The following PXDN variants were observed in gnomAD, a reference collection of about 807,000 sequenced individuals.
PXDN encodes peroxidasin homolog.
In PXDN, 77 loss-of-function variants were observed where a neutral mutation model predicts 140.3. The ratio of observed to expected loss-of-function variants is 0.55; its 90% CI spans 0.46 to 0.66. PXDN has a LOEUF of 0.66. Ranked by LOEUF, PXDN falls within the 30% of genes least tolerant of loss-of-function variation. The pLI, the probability that PXDN is intolerant of heterozygous loss-of-function variation, is 0.00. For synonymous variants in PXDN, 911 were observed against 857.4 expected, an observed-to-expected ratio of 1.06 and a Z score of -1.09; for missense variants, 1,838 against 2,039.5, an observed-to-expected ratio of 0.90 and a Z score of 1.90.
chr2:1,711,186 C>A (rs1420572829), intron 1 of PXDN, among the ~76,000 whole-genome samples: 1 of 96,612 alleles, frequency 1.0e-5, no homozygotes, highest in African/African-American at 4.3e-5. Flanking sequence ...CCACCAGCAC[C>A]CGCTCCACCA....
intron 19 of PXDN, among the ~76,000 whole-genome samples, 178 bp downstream of exon 19, chr2:1,643,190 A>T (rs1414317658): frequency 6.6e-6 from 1 of 152,206 alleles, no homozygotes; most frequent in African/African-American, 2.4e-5. Context: ...AACTTTGTTC[A>T]TATTTTTGGC....
chr2:1,677,212 C>T (rs1379007766), intron 7 of PXDN, among the ~76,000 whole-genome samples, 168 bp from the exon 8 acceptor site: 3 of 152,138 alleles, frequency 2.0e-5, no homozygotes, highest in Non-Finnish European at 4.4e-5. Context: ...TCTCTACAGC[C>T]CCGTCTATGG....
chr2:1,649,778 C>T lies in PXDN; in HGVS notation c.2105-103G>A, dbSNP rs970776853. The T allele has an allele frequency of 1.0e-4, 135 of 1,327,048 alleles. No individual in the cohort carries two copies. The highest frequency in any genetic ancestry group is 1.4e-4 in the Non-Finnish European group (127 of 938,142). 82.2% of individuals were successfully genotyped at this position (1,327,048 alleles called of 1,614,324 possible). A position where few individuals can be genotyped will look rare whatever the true frequency, so the allele number is the denominator to read the frequency against. ...GCCGCTGACATGGGGCTATCTACCC[C>T]CAGCTCATGAAACCTGTTGTGCGCC... On this transcript the variant is annotated intron_variant, in intron 16 of 22. Coordinates refer to ENST00000252804, the MANE Select transcript of PXDN (RefSeq NM_012293.3). The surrounding 1 kb of genome is among the most constrained non-coding windows in gnomAD (Gnocchi z 7.1).
At chr2:1,683,067 A>G (rs903421246) in intron 6 of PXDN, among the ~76,000 whole-genome samples, 2 of 151,976 alleles carry the variant, frequency 1.3e-5, no homozygotes, top group Admixed American at 1.3e-4. Flanking sequence ...AATTAATTTG[A>G]TGAATTTAAA....
Position 1,653,711 on chromosome 2 carries a change from C to G in PXDN, c.2021G>C (p.Arg674Pro), listed in dbSNP as rs746336803. ...PRDPYTVEQA[R>P]AGEIFERTLQ... is the part of the protein sequence containing the mutation. ...TGTCCGTTCAAAGATTTCTCCCGCC[C>G]GTGCCTGTTCAACTGTGTAAGGATC... Residue 674 changes from arginine (R) to proline (P), a missense_variant, in exon 16 of 23, where the codon CGG becomes CCG. This residue lies in a region of PXDN where 537 missense variants were observed against 583.9 expected (regional missense o/e 0.92). Coordinates refer to ENST00000252804, the MANE Select transcript of PXDN (RefSeq NM_012293.3). 1 of 1,605,400 alleles carries G rather than the reference C, an allele frequency of 6.2e-7. No individual in the cohort carries two copies. Among genetic ancestry groups the G allele is most frequent in the Non-Finnish European group, 8.5e-7 (1 of 1,176,062 alleles).
intron 1 of PXDN, among the ~76,000 whole-genome samples, chr2:1,709,406 C>CT (rs1381130436): frequency 2.2e-4 from 33 of 152,290 alleles, no homozygotes; most frequent in African/African-American, 7.5e-4. Context: ...GTGCACGGCC[C>CT]CACAGAAGAC....
chr2:1,680,942 C>A (rs1263373793), intron 6 of PXDN, among the ~76,000 whole-genome samples: 1 of 152,190 alleles, frequency 6.6e-6, no homozygotes. Context: ...AGTGGCACAT[C>A]CTGTCCCAAC....
intron 2 of PXDN, among the ~76,000 whole-genome samples, chr2:1,692,846 T>A (rs1023719832): frequency 6.6e-6 from 1 of 152,148 alleles, no homozygotes; most frequent in Non-Finnish European, 1.5e-5. Flanking sequence ...CCAATCAACA[T>A]GCCACAGACA....
At chr2:1,704,631 ACTCCAGGTGAAGGGGGGGCAG>A (rs752026364) in intron 1 of PXDN, among the ~76,000 whole-genome samples, 7 of 67,502 alleles carry the variant, frequency 1.0e-4, no homozygotes, top group South Asian at 7.1e-4. Context: ...GGGGGGGACA[ACTCCAGGTGAAGGGGGGGCAG>A]CTCCAGGTGA....
intron 1 of PXDN, among the ~76,000 whole-genome samples, chr2:1,716,454 A>C (rs571867395): frequency 7.3e-6 from 1 of 136,102 alleles, no homozygotes; most frequent in Non-Finnish European, 1.5e-5. Flanking sequence ...AAAAAAAAAA[A>C]AAAAAAAAAA....
intron 9 of PXDN, among the ~76,000 whole-genome samples, chr2:1,669,004 T>G (rs992980704): frequency 2.0e-5 from 3 of 152,222 alleles, no homozygotes; most frequent in African/African-American, 7.2e-5. Context: ...GCACACGTTA[T>G]GTTTATTGCA....
Position 1,691,964 on chromosome 2 carries a change from C to G in PXDN, c.308G>C (p.Ser103Thr). ...ATTTTCCAAGTCTTCAAATGCTCCACTAGGTATCCTCTTGATCTGATTATT... is the reference window on the plus strand; with the variant it reads ...ATTTTCCAAGTCTTCAAATGCTCCAGTAGGTATCCTCTTGATCTGATTATT... ...LNNNQIKRIPSGAFEDLENLK... is the reference protein window; with the variant it reads ...LNNNQIKRIPTGAFEDLENLK... The change falls in exon 3 of 23, where the codon AGT (serine) becomes ACT (threonine). Residue 103 changes from serine to threonine, a missense_variant. Ser to Thr is a moderately conservative substitution (Grantham distance 58, BLOSUM62 1). Around this residue, in one of 5 missense-constraint regions of PXDN, gnomAD observed 231 missense variants for 201.5 expected, o/e 1.15. Coordinates refer to ENST00000252804, the MANE Select transcript of PXDN (RefSeq NM_012293.3). 6.5e-7 allele frequency: 1 copy of G among 1,528,894 alleles called. No homozygotes were observed. The highest frequency in any genetic ancestry group is 1.7e-4 in the Middle Eastern group (1 of 5,934). 94.7% of individuals were successfully genotyped at this position (1,528,894 alleles called of 1,614,324 possible). A position where few individuals can be genotyped will look rare whatever the true frequency, so the allele number is the denominator to read the frequency against.
chr2:1,636,382 T>C (rs1682559589), intron 21 of PXDN: 2 of 152,502 alleles, frequency 1.3e-5, no homozygotes, highest in Non-Finnish European at 2.9e-5. Context: ...AGCCACCCAC[T>C]TACTCATGTC....
chr2:1,656,441 T>C (rs1480315470), intron 14 of PXDN, among the ~76,000 whole-genome samples: 1 of 152,132 alleles, frequency 6.6e-6, no homozygotes, highest in Non-Finnish European at 1.5e-5. Flanking sequence ...AACACACCCT[T>C]ACAAAAAAGC....
intron 1 of PXDN, among the ~76,000 whole-genome samples, chr2:1,723,304 G>C (rs188358188): frequency 1.3e-5 from 2 of 152,206 alleles, no homozygotes; most frequent in Admixed American, 6.5e-5. Flanking sequence ...TGCATTAATG[G>C]ATGGATAGCT....
intron 1 of PXDN, among the ~76,000 whole-genome samples, chr2:1,706,098 T>G (rs931776789): frequency 1.3e-5 from 2 of 152,156 alleles, no homozygotes; most frequent in African/African-American, 2.4e-5. Flanking sequence ...CAGATTCAAG[T>G]TCTACCCTGC....
chr2:1,707,876 CTACGTTT>C (rs1684656190), intron 1 of PXDN, among the ~76,000 whole-genome samples: 1 of 151,930 alleles, frequency 6.6e-6, no homozygotes, highest in South Asian at 2.1e-4. Flanking sequence ...CATTTAGGAT[CTACGTTT>C]TACCACACTT....
chr2:1,744,516 G>C, upstream of PXDN: 1 of 1,290,942 alleles, frequency 7.7e-7, no homozygotes. Context: ...TCCCGACTGC[G>C]CCCGCCCGGC....
Position 1,653,679 on chromosome 2 carries a change from G to A in PXDN, c.2053C>T (p.Leu685Phe), listed in dbSNP as rs781082252. ...AGEIFERTLQ[L>F]IQEHVQHGLM... ...CCATGCTGTACATGCTCCTGAATGA[G>A]CTGCAATGTCCGTTCAAAGATTTCT... is the stretch of plus-strand genomic sequence containing the variant. Residue 685 changes from leucine to phenylalanine, a missense_variant, in exon 16 of 23, where the codon CTC becomes TTC. By Grantham distance (22) the Leu-to-Phe change is conservative. Coordinates refer to ENST00000252804, the MANE Select transcript of PXDN (RefSeq NM_012293.3). The A allele has an allele frequency of 3.1e-6, 5 of 1,612,054 alleles. No individual in the cohort carries two copies. Among genetic ancestry groups the A allele is most frequent in the Non-Finnish European group, 3.4e-6 (4 of 1,179,264 alleles).
Sources: allele counts gnomAD v4.1 joint callset (sites outside exome capture counted in the v4.1 genomes callset), GRCh38; gene constraint gnomAD v4.1.1; regional missense constraint gnomAD v4.1.1; non-coding constraint Gnocchi (gnomAD v3.1); transcripts MANE v1.5; gene names NCBI Gene and HGNC (gene_info 2026-07-23, HGNC 2026-07-21).